The following CADM1 variants were observed in gnomAD, a reference collection of about 807,000 sequenced individuals.
CADM1 encodes the protein cell adhesion molecule 1.
In CADM1, 15 loss-of-function variants were observed where a neutral mutation model predicts 53.1. The ratio of observed to expected loss-of-function variants is 0.28; its 90% confidence interval spans 0.19 to 0.44. The LOEUF is 0.44. Among genes scored for constraint, CADM1 ranks in the 20% least tolerant of loss-of-function variants. The probability of loss-of-function intolerance (pLI) is 1.00; values close to 1 mark genes in which losing one functional copy is unlikely to be tolerated. For missense variants in CADM1, 434 were observed against 611.3 expected (o/e 0.71, Z 3.06); for synonymous variants, 281 against 243.0 (o/e 1.16, Z -1.45).
chr11:115,405,152 G>A (rs1947282689), intron 1 of CADM1, among the ~76,000 whole-genome samples: 1 of 152,042 alleles, frequency 6.6e-6, no homozygotes, highest in African/African-American at 2.4e-5. Context: ...ACGGGGTCTT[G>A]CTGTTGCCCA....
rs145652696 is a variant in CADM1, at chr11:115,289,375, A to T, written c.125-48955T>A. On this transcript the variant is annotated intron_variant, in intron 1 of 11. Coordinates refer to ENST00000331581, the MANE Select transcript of CADM1 (RefSeq NM_001301043.2). Reference sequence around the variant, plus strand: ...GTGAGATTCCATCTCAAAAAATAAAAAAATAAATAAATCAAGTTATTTATT... The same window carrying T: ...GTGAGATTCCATCTCAAAAAATAAATAAATAAATAAATCAAGTTATTTATT... 9.0e-3 allele frequency among the ~76,000 whole-genome samples: 1,359 copies of T among 151,620 alleles called. 20 individuals are homozygous for T. Among genetic ancestry groups the T allele is most frequent in the African/African-American group, 0.03 (1,246 of 41,412 alleles).
At chr11:115,200,895 T>A (rs1940394154) in intron 8 of CADM1, among the ~76,000 whole-genome samples, 1 of 152,174 alleles carries the variant, frequency 6.6e-6, no homozygotes, top group South Asian at 2.1e-4. Flanking sequence ...AATATCAGCA[T>A]TAACCAGTGA....
At position 115,255,660 on chromosome 11, in the gene CADM1, A is replaced by G. The variant is rs185288827; in HGVS notation, c.125-15240T>C. On this transcript the variant is annotated intron_variant, in intron 1 of 11. Transcript: ENST00000331581. ...AACTGGTGAATCTTGGTGTAATGGGATAAAGAAGATCATGAATCCTAGCCA... is the reference window on the plus strand; with the variant it reads ...AACTGGTGAATCTTGGTGTAATGGGGTAAAGAAGATCATGAATCCTAGCCA... Among the ~76,000 whole-genome samples, 1,154 of 152,318 alleles carry G rather than the reference A, an allele frequency of 7.6e-3. 6 individuals are homozygous for G. Among genetic ancestry groups the G allele is most frequent in the Non-Finnish European group, 0.013 (884 of 68,010 alleles).
At chr11:115,459,076 C>T (rs1283933708) in intron 1 of CADM1, among the ~76,000 whole-genome samples, 4 of 152,150 alleles carry the variant, frequency 2.6e-5, no homozygotes, top group Non-Finnish European at 5.9e-5. Flanking sequence ...AGGAACAATG[C>T]AATCTATTCA....
intron 1 of CADM1, among the ~76,000 whole-genome samples, chr11:115,377,000 G>T (rs557082535): frequency 6.6e-6 from 1 of 152,038 alleles, no homozygotes; most frequent in African/African-American, 2.4e-5. Context: ...ATGTCTAGCC[G>T]GCTTTAAATT....
chr11:115,395,274 T>C (rs1265918975), intron 1 of CADM1, among the ~76,000 whole-genome samples: 1 of 152,178 alleles, frequency 6.6e-6, no homozygotes, highest in African/African-American at 2.4e-5. Flanking sequence ...AACAAATTCT[T>C]CTACCTTCTT....
chr11:115,398,989 A>G (rs1024876186), intron 1 of CADM1: 2 of 152,212 alleles, frequency 1.3e-5, no homozygotes, highest in Non-Finnish European at 2.9e-5. Context: ...AGAGCTGGAA[A>G]GAAGAAATGA....
intron 9 of CADM1, among the ~76,000 whole-genome samples, chr11:115,197,525 C>T (rs933998028): frequency 6.6e-6 from 1 of 152,100 alleles, no homozygotes; most frequent in Non-Finnish European, 1.5e-5. Flanking sequence ...AAACATGATT[C>T]TCATTTTCTG....
At chr11:115,284,738 G>A (rs1943686582) in intron 1 of CADM1, among the ~76,000 whole-genome samples, 1 of 152,070 alleles carries the variant, frequency 6.6e-6, no homozygotes, top group African/African-American at 2.4e-5. Context: ...TACAATGTAG[G>A]GTGTGCATTA....
chr11:115,463,008 C>T (rs2135377019), intron 1 of CADM1, among the ~76,000 whole-genome samples: 1 of 152,294 alleles, frequency 6.6e-6, no homozygotes, highest in East Asian at 1.9e-4. Context: ...AGCTAGAGCT[C>T]ATGGGCTCCT....
intron 8 of CADM1, among the ~76,000 whole-genome samples, chr11:115,204,975 TA>T (rs1018250482): frequency 6.6e-6 from 1 of 152,210 alleles, no homozygotes; most frequent in African/African-American, 2.4e-5. Context: ...TACGTACTTT[TA>T]AAAGGTGGAA....
intron 1 of CADM1, among the ~76,000 whole-genome samples, chr11:115,460,243 A>G (rs1229204992): frequency 6.6e-6 from 1 of 152,080 alleles, no homozygotes; most frequent in Non-Finnish European, 1.5e-5. Context: ...CCACCCTTTT[A>G]ATTTCAGTTT....
intron 1 of CADM1, among the ~76,000 whole-genome samples, chr11:115,351,137 A>AC (rs1254610830): frequency 1.3e-5 from 2 of 151,738 alleles, no homozygotes; most frequent in African/African-American, 4.8e-5. Context: ...AAACAAACAA[A>AC]AAAAAGTAAA....
intron 1 of CADM1, among the ~76,000 whole-genome samples, chr11:115,244,785 T>C (rs1411171874): frequency 6.6e-6 from 1 of 152,232 alleles, no homozygotes. Context: ...TGATTTTTTT[T>C]ATTTCCATAT....
chr11:115,215,686 T>C (rs1941151299), intron 6 of CADM1, among the ~76,000 whole-genome samples: 1 of 152,216 alleles, frequency 6.6e-6, no homozygotes, highest in South Asian at 2.1e-4. Context: ...TAAAAATGCA[T>C]ACACACCAAG....
At position 115,242,799 on chromosome 11, in the gene CADM1, GCC is replaced by G. The variant is rs377321259; in HGVS notation, c.125-2381_125-2380del. 9.6e-4 allele frequency among the ~76,000 whole-genome samples: 146 copies of G among 152,252 alleles called. 1 individual carries two copies. In the South Asian group the frequency reaches 0.018, roughly 19 times the overall value. On this transcript the variant is annotated intron_variant, in intron 1 of 11. Coordinates refer to ENST00000331581, the MANE Select transcript of CADM1 (RefSeq NM_001301043.2). ...ATTAATCCTTTCAACATAAACCAAG[GCC>G]TTACAAATCCTGACTACTATCTTGC...
intron 1 of CADM1, among the ~76,000 whole-genome samples, chr11:115,307,082 C>A (rs1944395337): frequency 6.6e-6 from 1 of 151,858 alleles, no homozygotes; most frequent in Non-Finnish European, 1.5e-5. Context: ...GTATTTCAGG[C>A]CAATCAAATG....
At chr11:115,465,674 C>G (rs1948885016) in intron 1 of CADM1, among the ~76,000 whole-genome samples, 1 of 152,062 alleles carries the variant, frequency 6.6e-6, no homozygotes, top group Non-Finnish European at 1.5e-5. Context: ...GTCGCACAGT[C>G]GATATCAGAA....
At chr11:115,344,111 A>G (rs1166733428) in intron 1 of CADM1, among the ~76,000 whole-genome samples, 1 of 152,182 alleles carries the variant, frequency 6.6e-6, no homozygotes, top group Non-Finnish European at 1.5e-5. Flanking sequence ...TCTCCTTACA[A>G]TGTGACTCAA....
Sources: gnomAD v4.1 joint callset for allele counts (sites outside exome capture counted in the v4.1 genomes callset) on GRCh38, gnomAD v4.1.1 for gene constraint, MANE v1.5 for transcripts, NCBI Gene and HGNC (gene_info 2026-07-23, HGNC 2026-07-21) for gene names.